The following BCKDHB variants were observed in gnomAD, a reference collection of about 807,000 sequenced individuals.
BCKDHB encodes the protein branched chain keto acid dehydrogenase E1 subunit beta, also known as 2-oxoisovalerate dehydrogenase subunit beta, mitochondrial.
Under a neutral mutation model 48.5 loss-of-function variants are expected in BCKDHB, and 41 were observed. That is an observed-to-expected ratio of 0.85 (90% confidence interval 0.66 to 1.10). BCKDHB has a LOEUF of 1.10. BCKDHB is among the 50% of genes least tolerant of loss of function. The pLI is 0.00. For synonymous variants in BCKDHB, 201 were observed against 174.8 expected, an observed-to-expected ratio of 1.15 and a Z score of -1.18; for missense variants, 496 against 494.2, an observed-to-expected ratio of 1.00 and a Z score of -0.03.
intron 8 of BCKDHB, among the ~76,000 whole-genome samples, chr6:80,212,484 C>T (rs1774983906): frequency 6.6e-6 from 1 of 152,130 alleles, no homozygotes; most frequent in African/African-American, 2.4e-5. Flanking sequence ...TGGTTGTCTT[C>T]CCTTGTTCCC....
chr6:80,373,253 C>A, the BCKDHB span, among the ~76,000 whole-genome samples: 3 of 152,040 alleles, frequency 2.0e-5, no homozygotes, highest in Non-Finnish European at 4.4e-5. Context: ...TCATAGTAAC[C>A]TTTAATTATC....
chr6:80,324,393 A>G lies in BCKDHB; in HGVS notation c.1039-19271A>G, dbSNP rs146450918. Among the ~76,000 whole-genome samples, 4 of 152,286 alleles carry G rather than the reference A, an allele frequency of 2.6e-5. No homozygotes were observed. The East Asian group carries it at 5.8e-4, about 22-fold the overall frequency. On this transcript the variant is annotated intron_variant, in intron 9 of 9. Coordinates refer to ENST00000320393, the MANE Select transcript of BCKDHB (RefSeq NM_183050.4). ...ACAGTGTTGTATGGCCTGATTAGGT[A>G]GGAATGAGAGGGAGAGGAAGAAATC...
chr6:80,176,047 C>T (rs1483309073), intron 6 of BCKDHB, among the ~76,000 whole-genome samples: 1 of 152,028 alleles, frequency 6.6e-6, no homozygotes, highest in Admixed American at 6.6e-5. Flanking sequence ...TGCTAGGAGA[C>T]CGGGTAGGCG....
intron 1 of BCKDHB, among the ~76,000 whole-genome samples, chr6:80,112,915 T>G (rs571851316): frequency 2.0e-5 from 3 of 152,232 alleles, no homozygotes; most frequent in Non-Finnish European, 4.4e-5. Context: ...AGCATACTTA[T>G]GATTTGATAA....
At chr6:80,197,855 A>G (rs1363385587) in intron 6 of BCKDHB, among the ~76,000 whole-genome samples, 1 of 152,170 alleles carries the variant, frequency 6.6e-6, no homozygotes, top group Non-Finnish European at 1.5e-5. Context: ...CCTGCTAAGT[A>G]GAATATACTA....
chr6:80,218,815 A>G (rs1442383950), intron 8 of BCKDHB, among the ~76,000 whole-genome samples: 1 of 152,106 alleles, frequency 6.6e-6, no homozygotes, highest in Non-Finnish European at 1.5e-5. Flanking sequence ...AGAACATTAC[A>G]TTGTTTTATA....
the BCKDHB span, among the ~76,000 whole-genome samples, chr6:80,405,217 C>A: frequency 6.6e-6 from 1 of 152,102 alleles, no homozygotes; most frequent in Non-Finnish European, 1.5e-5. Flanking sequence ...TCTAGGTACT[C>A]CAATATTGGC....
At chr6:80,331,990 A>C (rs1186609116) in intron 9 of BCKDHB, among the ~76,000 whole-genome samples, 2 of 152,326 alleles carry the variant, frequency 1.3e-5, no homozygotes, top group African/African-American at 4.8e-5. Context: ...ATGAAATTTA[A>C]TGCACCATAA....
intron 8 of BCKDHB, among the ~76,000 whole-genome samples, chr6:80,270,447 T>C (rs1247060780): frequency 3.9e-5 from 6 of 152,162 alleles, no homozygotes; most frequent in Non-Finnish European, 7.4e-5. Context: ...TACTTCTGAC[T>C]CCTCTCTTCT....
the BCKDHB span, among the ~76,000 whole-genome samples, chr6:80,395,242 C>G: frequency 6.6e-6 from 1 of 152,066 alleles, no homozygotes; most frequent in Admixed American, 6.5e-5. Flanking sequence ...CAGAAGAAGA[C>G]AAGAAAATGT....
At chr6:80,408,541 AT>A in the BCKDHB span, among the ~76,000 whole-genome samples, 2 of 151,930 alleles carry the variant, frequency 1.3e-5, no homozygotes, top group African/African-American at 4.8e-5. Context: ...AGAAACTGTT[AT>A]TGGTCTATAC....
the BCKDHB span, among the ~76,000 whole-genome samples, chr6:80,388,155 G>A: frequency 3.3e-5 from 5 of 152,214 alleles, no homozygotes; most frequent in African/African-American, 1.2e-4. Flanking sequence ...CATTTATTGA[G>A]TGACCTGAAA....
In BCKDHB at chr6:80,324,148, T is replaced by C. The variant is rs568296327; in HGVS notation, c.1039-19516T>C. 2.6e-5 allele frequency among the ~76,000 whole-genome samples: 4 copies of C among 152,192 alleles called. No homozygotes were observed. The South Asian group carries it at 8.3e-4, about 31-fold the overall frequency. ...TAGAGGCAGCTCAGAAAAAAATCAC[T>C]GAATTAAGTCATTCAGAGGTCGTTT... On this transcript the variant is annotated intron_variant, in intron 9 of 9. Coordinates refer to ENST00000320393, the MANE Select transcript of BCKDHB (RefSeq NM_183050.4).
chr6:80,418,714 G>A, the BCKDHB span, among the ~76,000 whole-genome samples: 1 of 152,176 alleles, frequency 6.6e-6, no homozygotes, highest in African/African-American at 2.4e-5. Context: ...TGTGATAGGT[G>A]GTGTTAACCA....
At chr6:80,375,760 T>G in the BCKDHB span, among the ~76,000 whole-genome samples, 3 of 152,206 alleles carry the variant, frequency 2.0e-5, no homozygotes, top group Non-Finnish European at 4.4e-5. Context: ...TTTTTCTGGT[T>G]CCTTCTCATT....
At chr6:80,169,746 C>T in intron 5 of BCKDHB, 1 of 1,486,648 alleles carries the variant, frequency 6.7e-7, no homozygotes. Context: ...TTTTTGACCA[C>T]ATGAATTGAT....
rs1236005876 is a variant in BCKDHB at position 80,106,905 on chromosome 6, G to A, written c.196+16G>A. 6.3e-7 allele frequency: 1 copy of A among 1,595,128 alleles called. No homozygotes were observed. Among genetic ancestry groups the A allele is most frequent in the Non-Finnish European group, 8.5e-7 (1 of 1,171,748 alleles). ...CGGGAGTACGGTGAGCCCTGGGACTGCCCACTCGGTCCCGCTGCAGCCCGG... is the reference window on the plus strand; with the variant it reads ...CGGGAGTACGGTGAGCCCTGGGACTACCCACTCGGTCCCGCTGCAGCCCGG... On this transcript the variant is annotated intron_variant, in intron 1 of 9. Transcript: ENST00000320393.
chr6:80,292,171 G>T (rs539092410), intron 9 of BCKDHB, among the ~76,000 whole-genome samples: 16 of 151,956 alleles, frequency 1.1e-4, no homozygotes, highest in African/African-American at 3.9e-4. Context: ...TTTTCCCAAG[G>T]GTCTTTTATT....
At chr6:80,150,667 C>G (rs1203635688) in intron 3 of BCKDHB, among the ~76,000 whole-genome samples, 1 of 151,008 alleles carries the variant, frequency 6.6e-6, no homozygotes, top group African/African-American at 2.4e-5. Context: ...AGTGATTCTC[C>G]TGCCTCAGCC....
Sources: allele counts gnomAD v4.1 joint callset (sites outside exome capture counted in the v4.1 genomes callset), GRCh38; gene constraint gnomAD v4.1.1; transcripts MANE v1.5; gene names NCBI Gene and HGNC (gene_info 2026-07-23, HGNC 2026-07-21).